KIAA1328: variants seen among roughly 807,000 people sequenced by gnomAD.
The protein encoded by KIAA1328 is protein hinderin.
KIAA1328 carries 52 observed loss-of-function variants against 68.1 expected under a neutral mutation model. The observed-to-expected ratio is 0.76, with a 90% CI of 0.61 to 0.96. The LOEUF (loss-of-function observed/expected upper bound fraction) is 0.96, where lower values mean the gene tolerates loss of function less well. Ranked by LOEUF, KIAA1328 falls within the 40% of genes least tolerant of loss-of-function variation. The pLI, the probability that KIAA1328 is intolerant of heterozygous loss-of-function variation, is 0.00. For synonymous variants in KIAA1328, 232 were observed against 239.4 expected, an observed-to-expected ratio of 0.97 and a Z score of 0.28; for missense variants, 641 against 677.6, an observed-to-expected ratio of 0.95 and a Z score of 0.60.
At chr18:37,045,219 T>G (rs2055418890) in intron 6 of KIAA1328, among the ~76,000 whole-genome samples, 1 of 152,184 alleles carries the variant, frequency 6.6e-6, no homozygotes, top group East Asian at 1.9e-4. Context: ...ACGTGTAGCC[T>G]TCTTCAGTTA....
chr18:37,117,986 G>C (rs945039976), intron 7 of KIAA1328, among the ~76,000 whole-genome samples: 1 of 149,382 alleles, frequency 6.7e-6, no homozygotes, highest in Non-Finnish European at 1.5e-5. Context: ...GGCCATAACT[G>C]GTATGTATAA....
intron 5 of KIAA1328, among the ~76,000 whole-genome samples, chr18:36,919,624 T>A (rs931517267): frequency 1.3e-5 from 2 of 152,234 alleles, no homozygotes; most frequent in Non-Finnish European, 2.9e-5. Flanking sequence ...AGTTCTTTAC[T>A]TTAAGTTCTT....
intron 6 of KIAA1328, among the ~76,000 whole-genome samples, chr18:36,982,113 A>G (rs2052715692): frequency 1.4e-5 from 2 of 140,732 alleles, no homozygotes; most frequent in South Asian, 4.3e-4. Flanking sequence ...ATATAATTAT[A>G]TAATATATAA....
At chr18:37,103,803 T>TACACACACAC (rs60337954) in intron 7 of KIAA1328, among the ~76,000 whole-genome samples, 1 of 145,656 alleles carries the variant, frequency 6.9e-6, no homozygotes, top group South Asian at 2.2e-4. Flanking sequence ...CAATAGCAAA[T>TACACACACAC]ACACACACAC....
intron 7 of KIAA1328, among the ~76,000 whole-genome samples, chr18:37,085,681 A>G (rs889867398): frequency 6.6e-6 from 1 of 152,270 alleles, no homozygotes; most frequent in East Asian, 1.9e-4. Context: ...AGACTTATGT[A>G]GTCATTAAGT....
chr18:36,996,402 G>A (rs911229288), intron 6 of KIAA1328, among the ~76,000 whole-genome samples: 7 of 152,146 alleles, frequency 4.6e-5, no homozygotes, highest in African/African-American at 1.2e-4. Flanking sequence ...GTAGAGCCAC[G>A]ATTCTAACAC....
chr18:37,107,162 A>G (rs1457156509), intron 7 of KIAA1328, among the ~76,000 whole-genome samples: 1 of 152,170 alleles, frequency 6.6e-6, no homozygotes, highest in Non-Finnish European at 1.5e-5. Flanking sequence ...GAATGGCTTG[A>G]GCTCAGGCAG....
At chr18:36,973,628 C>T (rs964378434) in intron 6 of KIAA1328, among the ~76,000 whole-genome samples, 2 of 152,048 alleles carry the variant, frequency 1.3e-5, no homozygotes, top group Non-Finnish European at 2.9e-5. Flanking sequence ...TCTGAATCCT[C>T]ATGTCAGGCT....
Position 37,222,343 on chromosome 18 carries a change from T to A in KIAA1328, c.*116T>A. ...CTCCTTTCACGGGGACTTGTCTCAC[T>A]AGCATCCTGTTACGTATTGAATATA... On this transcript the variant is annotated 3_prime_UTR_variant, in exon 10 of 10. Coordinates refer to ENST00000280020, the MANE Select transcript of KIAA1328 (RefSeq NM_020776.3). 6.7e-7 allele frequency: 1 copy of A among 1,486,270 alleles called. No homozygotes were observed. The highest frequency in any genetic ancestry group is 1.4e-5 in the South Asian group (1 of 71,448). 92.1% of individuals were successfully genotyped at this position (1,486,270 alleles called of 1,614,324 possible).
intron 4 of KIAA1328, among the ~76,000 whole-genome samples, chr18:36,861,274 A>G (rs1452413260): frequency 6.6e-6 from 1 of 151,942 alleles, no homozygotes; most frequent in Admixed American, 6.6e-5. Flanking sequence ...GATACGTTAT[A>G]TCGGGTGTAC....
At chr18:36,847,581 T>C (rs1369166760) in intron 4 of KIAA1328, among the ~76,000 whole-genome samples, 1 of 151,592 alleles carries the variant, frequency 6.6e-6, no homozygotes, top group Non-Finnish European at 1.5e-5. Flanking sequence ...CAAATCTTTT[T>C]CCCCTTTTTT....
chr18:36,909,499 G>A (rs1231222667), intron 5 of KIAA1328, among the ~76,000 whole-genome samples: 1 of 152,120 alleles, frequency 6.6e-6, no homozygotes, highest in African/African-American at 2.4e-5. Flanking sequence ...TTCCATGGGT[G>A]TGTATGTGCT....
intron 1 of KIAA1328, chr18:36,832,844 T>TC (rs1270469335): frequency 1.3e-5 from 2 of 151,144 alleles, no homozygotes; most frequent in East Asian, 2.0e-4. Context: ...ATGATTTTTT[T>TC]TTTTTTTTTT....
At chr18:36,862,193 CAATT>C (rs537774262) in intron 4 of KIAA1328, among the ~76,000 whole-genome samples, 95 of 152,300 alleles carry the variant, frequency 6.2e-4, no homozygotes, top group Middle Eastern at 6.8e-3. Flanking sequence ...TAGAATCCAT[CAATT>C]GTGTACAGAT....
intron 9 of KIAA1328, among the ~76,000 whole-genome samples, chr18:37,183,206 G>C (rs1313405341): frequency 6.6e-6 from 1 of 152,112 alleles, no homozygotes; most frequent in Non-Finnish European, 1.5e-5. Context: ...GTCACTCAAG[G>C]ACTGACCAAA....
intron 6 of KIAA1328, among the ~76,000 whole-genome samples, chr18:37,025,060 G>A (rs1019805936): frequency 1.3e-5 from 2 of 152,058 alleles, no homozygotes; most frequent in African/African-American, 4.8e-5. Context: ...ACTTTTTAAT[G>A]ATCACCATTC....
intron 9 of KIAA1328, among the ~76,000 whole-genome samples, chr18:37,217,742 G>T (rs943548816): frequency 1.3e-5 from 2 of 152,188 alleles, no homozygotes; most frequent in African/African-American, 2.4e-5. Flanking sequence ...AAATTCACCT[G>T]CATAATATCC....
intron 1 of KIAA1328, among the ~76,000 whole-genome samples, chr18:36,830,526 A>G (rs1173170322): frequency 6.6e-6 from 1 of 152,198 alleles, no homozygotes; most frequent in Non-Finnish European, 1.5e-5. Flanking sequence ...AGATACTTGA[A>G]GGTTATTAGC....
intron 4 of KIAA1328, among the ~76,000 whole-genome samples, chr18:36,866,802 A>G (rs2047768317): frequency 6.6e-6 from 1 of 152,202 alleles, no homozygotes; most frequent in South Asian, 2.1e-4. Flanking sequence ...AAGATGTTTA[A>G]TTTATATTAA....
Sources: gnomAD v4.1 joint callset for allele counts (sites outside exome capture counted in the v4.1 genomes callset) on GRCh38, gnomAD v4.1.1 for gene constraint, MANE v1.5 for transcripts, NCBI Gene and HGNC (gene_info 2026-07-23, HGNC 2026-07-21) for gene names.